The following EXOC6B variants were observed in gnomAD, a reference collection of about 807,000 sequenced individuals.
The protein encoded by EXOC6B is SEC15 homolog B.
In EXOC6B, 54 loss-of-function variants were observed where a neutral mutation model predicts 113.5. That is an observed-to-expected ratio of 0.48 (90% CI 0.38 to 0.60). The LOEUF (loss-of-function observed/expected upper bound fraction) is 0.60, where lower values mean the gene tolerates loss of function less well. EXOC6B is among the 20% of genes least tolerant of loss of function. The pLI is 0.00. For missense variants in EXOC6B, 797 were observed against 977.5 expected (o/e 0.82, Z 2.46); for synonymous variants, 357 against 339.0 (o/e 1.05, Z -0.58).
chr2:72,262,054 T>C (rs564374607), intron 20 of EXOC6B, among the ~76,000 whole-genome samples: 20 of 152,180 alleles, frequency 1.3e-4, no homozygotes, highest in Non-Finnish European at 2.5e-4. Flanking sequence ...CAGTTAGTAT[T>C]CTTTCCCTAT....
chr2:72,641,952 G>A (rs569247575), intron 6 of EXOC6B, among the ~76,000 whole-genome samples: 1 of 152,330 alleles, frequency 6.6e-6, no homozygotes, highest in African/African-American at 2.4e-5. Context: ...AAAGGGTCCG[G>A]AGTGGACCTC....
intron 6 of EXOC6B, among the ~76,000 whole-genome samples, chr2:72,625,685 A>G (rs772358956): frequency 6.6e-6 from 1 of 152,342 alleles, no homozygotes; most frequent in Non-Finnish European, 1.5e-5. Context: ...CTTTTGTCCA[A>G]GATCCCAAAT....
intron 18 of EXOC6B, among the ~76,000 whole-genome samples, chr2:72,440,842 G>A (rs138981143): frequency 1.2e-4 from 19 of 152,014 alleles, no homozygotes; most frequent in African/African-American, 3.1e-4. Flanking sequence ...GAAAATCTAC[G>A]AAGCAAATGA....
At chr2:72,639,160 C>A (rs149056753) in intron 6 of EXOC6B, among the ~76,000 whole-genome samples, 18 of 152,258 alleles carry the variant, frequency 1.2e-4, no homozygotes, top group African/African-American at 4.3e-4. Flanking sequence ...GCTTTCCTTG[C>A]CACAACAGCA....
In EXOC6B at chr2:72,177,969, C is replaced by A. The variant is rs41415; in HGVS notation, c.*1366G>T. ...GACTGACCTCATAGCAAAGCCCTTGCGTTAAGTCTCAGGAGTCCATCTGGG... is the reference window on the plus strand; with the variant it reads ...GACTGACCTCATAGCAAAGCCCTTGAGTTAAGTCTCAGGAGTCCATCTGGG... On this transcript the variant is annotated 3_prime_UTR_variant, in exon 22 of 22. Transcript: ENST00000272427. 0.14 allele frequency: 21,295 copies of A among 152,178 alleles called. 1,903 individuals are homozygous for A. The highest frequency in any genetic ancestry group is 0.19 in the Non-Finnish European group (12,852 of 68,014). The allele number at this position is 152,178 out of a possible 1,614,324, so 9.4% of individuals were successfully genotyped here.
intron 18 of EXOC6B, among the ~76,000 whole-genome samples, chr2:72,439,427 T>C (rs1054412524): frequency 6.6e-6 from 1 of 152,226 alleles, no homozygotes; most frequent in Admixed American, 6.5e-5. Flanking sequence ...TTTCATTCTT[T>C]CTTCTCTGTG....
At chr2:72,616,939 A>T (rs377568362) in intron 6 of EXOC6B, among the ~76,000 whole-genome samples, 3 of 152,232 alleles carry the variant, frequency 2.0e-5, no homozygotes, top group East Asian at 3.8e-4. Flanking sequence ...CTATGAGCCC[A>T]TAAAATCAAA....
chr2:72,427,737 C>G (rs974950999), intron 18 of EXOC6B, among the ~76,000 whole-genome samples: 2 of 152,162 alleles, frequency 1.3e-5, no homozygotes, highest in African/African-American at 2.4e-5. Context: ...GGGGCGGGAC[C>G]CTGGTGAGGC....
At chr2:72,536,254 T>C (rs1482819129) in intron 8 of EXOC6B, among the ~76,000 whole-genome samples, 1 of 152,220 alleles carries the variant, frequency 6.6e-6, no homozygotes, top group Non-Finnish European at 1.5e-5. Flanking sequence ...TATTTATTTC[T>C]ATTAAAATAT....
intron 6 of EXOC6B, among the ~76,000 whole-genome samples, chr2:72,677,961 T>C (rs1160037994): frequency 6.6e-6 from 1 of 152,210 alleles, no homozygotes; most frequent in Non-Finnish European, 1.5e-5. Flanking sequence ...AAGACTCTTT[T>C]AGTGACAATA....
intron 20 of EXOC6B, among the ~76,000 whole-genome samples, chr2:72,304,512 T>C (rs867714975): frequency 6.6e-6 from 1 of 152,178 alleles, no homozygotes; most frequent in African/African-American, 2.4e-5. Context: ...ACCAATCTAA[T>C]AGTTGAAAAA....
intron 6 of EXOC6B, among the ~76,000 whole-genome samples, chr2:72,590,528 T>G (rs912252655): frequency 6.6e-6 from 1 of 152,014 alleles, no homozygotes; most frequent in Non-Finnish European, 1.5e-5. Context: ...AAGCCTAGCT[T>G]TGTCCACATT....
chr2:72,273,371 T>C (rs888576131), intron 20 of EXOC6B, among the ~76,000 whole-genome samples: 4 of 152,134 alleles, frequency 2.6e-5, no homozygotes, highest in African/African-American at 9.7e-5. Context: ...GGAACTGAGA[T>C]AAGGATATAA....
chr2:72,758,643 G>GA (rs1167958368), intron 1 of EXOC6B, among the ~76,000 whole-genome samples: 2 of 152,016 alleles, frequency 1.3e-5, no homozygotes, highest in East Asian at 1.9e-4. Flanking sequence ...AGTGTACAGG[G>GA]AAAAAAGGAA....
intron 18 of EXOC6B, among the ~76,000 whole-genome samples, chr2:72,458,270 G>A (rs1697375647): frequency 1.3e-5 from 2 of 152,006 alleles, no homozygotes; most frequent in African/African-American, 2.4e-5. Flanking sequence ...ATTCTTTCTC[G>A]AATAATGCCC....
intron 19 of EXOC6B, among the ~76,000 whole-genome samples, chr2:72,366,038 T>C (rs899257641): frequency 6.6e-6 from 1 of 151,894 alleles, no homozygotes; most frequent in African/African-American, 2.4e-5. Flanking sequence ...CAATATGAAA[T>C]GTAAAATTTC....
intron 18 of EXOC6B, among the ~76,000 whole-genome samples, chr2:72,428,792 A>G (rs757381451): frequency 1.8e-4 from 28 of 152,192 alleles, no homozygotes; most frequent in Non-Finnish European, 3.8e-4. Flanking sequence ...AGCCAAGGTC[A>G]CTGCTATTGT....
chr2:72,525,772 A>G (rs950232836), intron 8 of EXOC6B, among the ~76,000 whole-genome samples: 5 of 152,118 alleles, frequency 3.3e-5, no homozygotes, highest in Non-Finnish European at 7.4e-5. Flanking sequence ...CACCACCCCC[A>G]AATCCCATCA....
At chr2:72,321,282 C>T (rs533579914) in intron 20 of EXOC6B, among the ~76,000 whole-genome samples, 5 of 152,092 alleles carry the variant, frequency 3.3e-5, no homozygotes, top group South Asian at 2.1e-4. Flanking sequence ...GCTTTATTCA[C>T]GATAAACTTT....
Sources: allele counts gnomAD v4.1 joint callset (sites outside exome capture counted in the v4.1 genomes callset), GRCh38; gene constraint gnomAD v4.1.1; transcripts MANE v1.5; gene names NCBI Gene and HGNC (gene_info 2026-07-23, HGNC 2026-07-21).